HERC3: variants seen among roughly 807,000 people sequenced by gnomAD.
HERC3 encodes the protein HECT and RLD domain containing E3 ubiquitin protein ligase 3, also known as probable E3 ubiquitin-protein ligase HERC3.
In HERC3, 58 loss-of-function variants were observed where a neutral mutation model predicts 129.9. The ratio of observed to expected loss-of-function variants is 0.45; its 90% CI spans 0.36 to 0.56. The LOEUF is 0.56. HERC3 is among the 20% of genes least tolerant of loss of function. The pLI is 0.00. For synonymous variants in HERC3, 430 were observed against 451.0 expected (o/e 0.95, Z 0.59); for missense variants, 835 against 1,244.2 (o/e 0.67, Z 4.95).
At chr4:88,564,113 C>A in the HERC3 span, among the ~76,000 whole-genome samples, 1 of 152,164 alleles carries the variant, frequency 6.6e-6, no homozygotes, top group Non-Finnish European at 1.5e-5. Flanking sequence ...GTATGTAGAA[C>A]CATGCTTGCA....
At chr4:88,565,699 G>A in the HERC3 span, among the ~76,000 whole-genome samples, 201 of 151,904 alleles carry the variant, frequency 1.3e-3, no homozygotes, top group African/African-American at 4.8e-3. Flanking sequence ...TCTTTTCATT[G>A]GATAATTTAG....
intron 12 of HERC3, 33 bp downstream of exon 12, chr4:88,664,245 G>A (rs745672223): frequency 3.9e-6 from 6 of 1,548,804 alleles, no homozygotes; most frequent in Middle Eastern, 1.7e-4. Flanking sequence ...AAACCCTCAC[G>A]TGTACCTGTA....
At chr4:88,568,482 C>T in the HERC3 span, among the ~76,000 whole-genome samples, 1 of 152,118 alleles carries the variant, frequency 6.6e-6, no homozygotes, top group Non-Finnish European at 1.5e-5. Context: ...TGAGCTGGCC[C>T]CTAAGCTGCA....
chr4:88,650,132 T>G (rs747621284), intron 4 of HERC3, 133 bp downstream of exon 4: 8 of 830,204 alleles, frequency 9.6e-6, no homozygotes, highest in Non-Finnish European at 1.4e-5. Flanking sequence ...CTTATACTAT[T>G]AAAACACTTG....
chr4:88,602,139 A>T (rs1723060476), intron 2 of HERC3, among the ~76,000 whole-genome samples: 1 of 148,462 alleles, frequency 6.7e-6, no homozygotes, highest in South Asian at 2.2e-4. Context: ...CGTGGCTCAC[A>T]CCTGTGATCC....
At chr4:88,643,864 T>C (rs1728405686) in intron 3 of HERC3, among the ~76,000 whole-genome samples, 1 of 152,136 alleles carries the variant, frequency 6.6e-6, no homozygotes, top group Non-Finnish European at 1.5e-5. Flanking sequence ...ACCAAAAACA[T>C]AATCCATAAA....
At chr4:88,693,838 C>A (rs141374693) in intron 23 of HERC3, among the ~76,000 whole-genome samples, 1 of 152,200 alleles carries the variant, frequency 6.6e-6, no homozygotes, top group African/African-American at 2.4e-5. Context: ...TTATTTTGTG[C>A]TTTGTTGACT....
intron 14 of HERC3, among the ~76,000 whole-genome samples, chr4:88,669,315 C>T (rs2860265): frequency 0.052 from 7,895 of 152,128 alleles, 536 homozygotes; most frequent in East Asian, 0.27. Flanking sequence ...TTATTTCCAA[C>T]GAAGTATAAG....
At chr4:88,544,224 G>GA in the HERC3 span, among the ~76,000 whole-genome samples, 1 of 152,036 alleles carries the variant, frequency 6.6e-6, no homozygotes, top group Non-Finnish European at 1.5e-5. Context: ...AAATTTACAA[G>GA]AAAAAACCAA....
At chr4:88,687,168 T>A in intron 22 of HERC3, 49 bp from the exon 23 acceptor site, 1 of 1,422,784 alleles carries the variant, frequency 7.0e-7, no homozygotes, top group Non-Finnish European at 9.9e-7. Flanking sequence ...TCTAGAAAGA[T>A]GAATGGTTAA....
intron 3 of HERC3, among the ~76,000 whole-genome samples, chr4:88,634,054 T>C (rs908968548): frequency 6.6e-6 from 1 of 152,152 alleles, no homozygotes; most frequent in Non-Finnish European, 1.5e-5. Context: ...TAGGACTGAC[T>C]AGGCAGCCGG....
the HERC3 span, among the ~76,000 whole-genome samples, chr4:88,549,871 C>A: frequency 1.3e-5 from 2 of 152,052 alleles, no homozygotes; most frequent in South Asian, 4.2e-4. Flanking sequence ...TGATAGAAAT[C>A]TAAGTACTAG....
At chr4:88,702,188 G>T (rs1735380069) in intron 23 of HERC3, among the ~76,000 whole-genome samples, 1 of 152,108 alleles carries the variant, frequency 6.6e-6, no homozygotes, top group Admixed American at 6.6e-5. Context: ...ATACTCATAA[G>T]CAAAATCTCA....
intron 10 of HERC3, among the ~76,000 whole-genome samples, chr4:88,662,000 A>G (rs993415269): frequency 2.0e-5 from 3 of 152,162 alleles, no homozygotes; most frequent in African/African-American, 4.8e-5. Flanking sequence ...CCGAGACTCA[A>G]AGGTTTTTGG....
intron 3 of HERC3, among the ~76,000 whole-genome samples, chr4:88,624,629 G>A (rs1417269962): frequency 6.6e-6 from 1 of 152,164 alleles, no homozygotes; most frequent in African/African-American, 2.4e-5. Context: ...TCAGAGAGAT[G>A]TTTTACAAAT....
In HERC3 at chr4:88,656,034, T is replaced by A; in HGVS notation, c.1068T>A (p.Ala356=). 1 of 1,613,840 alleles carries A rather than the reference T, an allele frequency of 6.2e-7. No individual in the cohort carries two copies. The highest frequency in any genetic ancestry group is 8.5e-7 in the Non-Finnish European group (1 of 1,179,778). ...AAHSGQLSAR[A]DRFKYHIVKQ... is the part of the protein sequence containing the mutation. The stretch of plus-strand genomic sequence containing the variant: ...ACAGTGGCCAGCTTTCAGCCCGAGC[T>A]GGTAAGAATGATTGTCTCTGGAATT... Residue 356 remains alanine, a splice_region_variant and synonymous_variant, in exon 9 of 26, where the codon GCT becomes GCA. Coordinates refer to ENST00000402738, the MANE Select transcript of HERC3 (RefSeq NM_014606.3).
Position 88,708,328 on chromosome 4 carries a change from A to T in HERC3, c.*1368A>T, listed in dbSNP as rs187094099. ...TTTATATAAAATGAAGTATTTATGAACTGTGATAAAGCATCAAATCTTGAT... is the reference window on the plus strand; with the variant it reads ...TTTATATAAAATGAAGTATTTATGATCTGTGATAAAGCATCAAATCTTGAT... On this transcript the variant is annotated 3_prime_UTR_variant, in exon 26 of 26. Transcript: ENST00000402738. 1.3e-5 allele frequency: 2 copies of T among 152,654 alleles called. No individual in the cohort carries two copies. The highest frequency in any genetic ancestry group is 3.9e-4 in the East Asian group (2 of 5,172). The allele number at this position is 152,654 out of a possible 1,614,324, so 9.5% of individuals were successfully genotyped here.
At chr4:88,535,700 T>G in the HERC3 span, among the ~76,000 whole-genome samples, 3 of 152,156 alleles carry the variant, frequency 2.0e-5, no homozygotes, top group Non-Finnish European at 4.4e-5. Context: ...TTCCTCTGCT[T>G]ATAAAGCCAC....
intron 3 of HERC3, among the ~76,000 whole-genome samples, chr4:88,627,596 T>G (rs1726248086): frequency 6.6e-6 from 1 of 152,086 alleles, no homozygotes; most frequent in Non-Finnish European, 1.5e-5. Flanking sequence ...ATATTTTGTA[T>G]GATTTCAGTC....
Sources: gnomAD v4.1 joint callset for allele counts (sites outside exome capture counted in the v4.1 genomes callset) on GRCh38, gnomAD v4.1.1 for gene constraint, MANE v1.5 for transcripts, NCBI Gene and HGNC (gene_info 2026-07-23, HGNC 2026-07-21) for gene names.